Variants in CSNK1A1 observed in about 807,000 individuals in gnomAD.
The protein encoded by CSNK1A1 is casein kinase I isoform alpha.
Under a neutral mutation model 46.1 loss-of-function variants are expected in CSNK1A1, and 7 were observed. The ratio of observed to expected loss-of-function variants is 0.15; its 90% CI spans 0.09 to 0.29. CSNK1A1 has a LOEUF of 0.29. Among genes scored for constraint, CSNK1A1 ranks in the 10% least tolerant of loss-of-function variants. The pLI, the probability that CSNK1A1 is intolerant of heterozygous loss-of-function variation, is 1.00. For synonymous variants in CSNK1A1, 137 were observed against 141.5 expected (o/e 0.97, Z 0.23); for missense variants, 96 against 417.1 (o/e 0.23, Z 6.71).
chr5:149,528,227 C>G (rs1052408073), intron 2 of CSNK1A1, among the ~76,000 whole-genome samples: 3 of 152,098 alleles, frequency 2.0e-5, no homozygotes, highest in Non-Finnish European at 4.4e-5. Context: ...ATTCACTATT[C>G]TCAAAGTCAG....
At chr5:149,548,815 T>G (rs1052151900) in intron 2 of CSNK1A1, among the ~76,000 whole-genome samples, 18 of 152,200 alleles carry the variant, frequency 1.2e-4, no homozygotes, top group African/African-American at 4.1e-4. Context: ...TGCCATTCAT[T>G]GCACTCCAGC....
At position 149,551,102 on chromosome 5, in the gene CSNK1A1, C is replaced by T; in HGVS notation, c.-138G>A. ...GAACACGGAGGCCTTTACCGGGGTT[C>T]GGGGCCCAGAATCAGCAGAGGGGAA... On this transcript the variant is annotated 5_prime_UTR_variant, in exon 1 of 10. Coordinates refer to ENST00000377843, the MANE Select transcript of CSNK1A1 (RefSeq NM_001892.6). 1 of 898,066 alleles carries T rather than the reference C, an allele frequency of 1.1e-6. No individual in the cohort carries two copies. Among genetic ancestry groups the T allele is most frequent in the Middle Eastern group, 3.0e-4 (1 of 3,352 alleles). 55.6% of individuals were successfully genotyped at this position (898,066 alleles called of 1,614,324 possible).
chr5:149,502,715 CATT>C, intron 9 of CSNK1A1: 2 of 983,720 alleles, frequency 2.0e-6, no homozygotes, highest in Non-Finnish European at 2.4e-6. Context: ...ATGTTTTCAT[CATT>C]ATTAAAACGA....
chr5:149,511,975 A>T (rs1489418638), intron 5 of CSNK1A1, 103 bp from the exon 6 acceptor site: 4 of 861,898 alleles, frequency 4.6e-6, no homozygotes, highest in Non-Finnish European at 5.5e-6. Context: ...TGAGGAGGGA[A>T]CACTATTTGG....
intron 3 of CSNK1A1, among the ~76,000 whole-genome samples, 166 bp from the exon 4 acceptor site, chr5:149,520,554 A>C (rs1471109342): frequency 6.6e-6 from 1 of 152,172 alleles, no homozygotes; most frequent in African/African-American, 2.4e-5. Context: ...AGGTTAATGG[A>C]TATCTAAGCA....
Position 149,525,270 on chromosome 5 carries a change from T to A in CSNK1A1, c.231-99A>T. 8.3e-7 allele frequency: 1 copy of A among 1,202,224 alleles called. No homozygotes were observed. The highest frequency in any genetic ancestry group is 1.1e-6 in the Non-Finnish European group (1 of 894,704). The allele number at this position is 1,202,224 out of a possible 1,614,324, so 74.5% of individuals were successfully genotyped here. ...TAGTTTTCTTTCACTGACTAGGTAT[T>A]ATATAAGGCGAATGTTCCCCTACTC... On this transcript the variant is annotated intron_variant, in intron 2 of 9. Transcript: ENST00000377843. The surrounding 1 kb of genome is among the most constrained non-coding windows in gnomAD (Gnocchi z 4.2).
Position 149,520,373 on chromosome 5 carries a change from C to A in CSNK1A1, c.373G>T (p.Glu125Ter). 1 of 1,593,172 alleles carries A rather than the reference C, an allele frequency of 6.3e-7. No homozygotes were observed. Residue 125 changes from glutamate to a stop codon, truncating the protein, a stop_gained, in exon 4 of 10, where the codon GAA becomes TAA. Transcript: ENST00000377843. LOFTEE classifies it high-confidence loss of function. ...ATAAAATTCTTTGTATGCACATATT[C>A]AATTCTACTGATCATCTGGAAAAAA... ...MLADQMISRI[E>*]YVHTKNFIHR...
In CSNK1A1 at chr5:149,550,303, A is replaced by G. The variant is rs1762614441; in HGVS notation, c.124-122T>C. ...TACAAGAAGAAGTGAAAAGCTGGAA[A>G]GAGAAAGCTCTCGGTAATTATAAAA... is the stretch of plus-strand genomic sequence containing the variant. On this transcript the variant is annotated intron_variant, in intron 1 of 9. Coordinates refer to ENST00000377843, the MANE Select transcript of CSNK1A1 (RefSeq NM_001892.6). The surrounding 1 kb of genome is among the most constrained non-coding windows in gnomAD (Gnocchi z 4.3). 1 of 1,488,422 alleles carries G rather than the reference A, an allele frequency of 6.7e-7. No individual in the cohort carries two copies. The highest frequency in any genetic ancestry group is 2.4e-5 in the Admixed American group (1 of 40,896). The allele number at this position is 1,488,422 out of a possible 1,614,324, so 92.2% of individuals were successfully genotyped here.
chr5:149,549,364 G>T, intron 2 of CSNK1A1: 1 of 658,246 alleles, frequency 1.5e-6, no homozygotes. Context: ...AACTACGAAG[G>T]ATTTTACATA....
chr5:149,551,132 A>AATCAG lies in CSNK1A1; in HGVS notation c.-169_-168insCTGAT. On this transcript the variant is annotated 5_prime_UTR_variant, in exon 1 of 10. Transcript: ENST00000377843. The stretch of plus-strand genomic sequence containing the variant: ...CCCAGAATCAGCAGAGGGGAACCTG[A>AATCAG]TCACCGCCGCTCAGTCAGGTTTCTT... 1.6e-6 allele frequency: 1 copy of AATCAG among 613,830 alleles called. No homozygotes were observed. 38.0% of individuals were successfully genotyped at this position (613,830 alleles called of 1,614,324 possible).
chr5:149,520,320 G>A lies in CSNK1A1; in HGVS notation c.426C>T (p.Phe142=). ...TACAGTGACGCCCAATACCCATTAG[G>A]AAGTTATCTGGTTTAATGTCTCTGT... ...FIHRDIKPDN[F]LMGIGRHCNK... The change falls in exon 4 of 10, where the codon TTC becomes TTT. Residue 142 remains phenylalanine (F), a synonymous_variant. Coordinates refer to ENST00000377843, the MANE Select transcript of CSNK1A1 (RefSeq NM_001892.6). 6.2e-7 allele frequency: 1 copy of A among 1,609,318 alleles called. No individual in the cohort carries two copies. The highest frequency in any genetic ancestry group is 1.1e-5 in the South Asian group (1 of 90,820).
chr5:149,507,146 G>C lies in CSNK1A1; in HGVS notation c.751-13C>G. On this transcript the variant is annotated splice_polypyrimidine_tract_variant and intron_variant, in intron 7 of 9. Transcript: ENST00000377843. Reference sequence around the variant, plus strand: ...CTGCAGGAAACCCCTATAGGTTCAAGGGTTAAAACAAAGTTAAAAACAAAC... The same window carrying C: ...CTGCAGGAAACCCCTATAGGTTCAACGGTTAAAACAAAGTTAAAAACAAAC... 1 of 1,563,784 alleles carries C rather than the reference G, an allele frequency of 6.4e-7. No homozygotes were observed. The highest frequency in any genetic ancestry group is 1.2e-5 in the South Asian group (1 of 85,716).
At position 149,504,879 on chromosome 5, in the gene CSNK1A1, G is replaced by A. The variant is rs777627004; in HGVS notation, c.1006+568C>T. 7.0e-4 allele frequency: 694 copies of A among 985,442 alleles called. 1 individual carries two copies. The highest frequency in any genetic ancestry group is 7.9e-4 in the Non-Finnish European group (654 of 829,922). The allele number at this position is 985,442 out of a possible 1,614,324, so 61.0% of individuals were successfully genotyped here. On this transcript the variant is annotated intron_variant, in intron 9 of 9. Coordinates refer to ENST00000377843, the MANE Select transcript of CSNK1A1 (RefSeq NM_001892.6). ...GCTTTGCATTTATTTGAGCATTTAA[G>A]AGAGAAAATGAGATGCTCTGCAACT...
chr5:149,541,970 CA>C (rs1171466150), intron 2 of CSNK1A1, among the ~76,000 whole-genome samples: 517 of 40,038 alleles, frequency 0.013, 2 homozygotes, highest in African/African-American at 0.026. Flanking sequence ...GACTGCATCT[CA>C]AAAAAAAAAA....
intron 2 of CSNK1A1, among the ~76,000 whole-genome samples, chr5:149,534,730 G>A (rs531324305): frequency 5.3e-5 from 8 of 151,362 alleles, no homozygotes; most frequent in Middle Eastern, 6.8e-3. Context: ...CAGGTGGTTC[G>A]AGATTAGCCT....
In CSNK1A1 at chr5:149,526,130, T is replaced by C. The variant is rs2113129431; in HGVS notation, c.231-959A>G. Among the ~76,000 whole-genome samples, 3 of 152,234 alleles carry C rather than the reference T, an allele frequency of 2.0e-5. No individual in the cohort carries two copies. In the Middle Eastern group the frequency reaches 0.01, roughly 518 times the overall value. ...CTTTCCCTTCCTTCCTCCTTATTTA[T>C]CTATTTATTTATTTATTCATTTATT... On this transcript the variant is annotated intron_variant, in intron 2 of 9. Coordinates refer to ENST00000377843, the MANE Select transcript of CSNK1A1 (RefSeq NM_001892.6).
chr5:149,540,855 G>A (rs1000943269), intron 2 of CSNK1A1, among the ~76,000 whole-genome samples: 10 of 151,908 alleles, frequency 6.6e-5, no homozygotes, highest in African/African-American at 1.7e-4. Flanking sequence ...CGAGATGGGC[G>A]GATCACAAAG....
At position 149,550,691 on chromosome 5, in the gene CSNK1A1, C is replaced by G. The variant is rs1414589053; in HGVS notation, c.123+151G>C. ...TTGACCCTTTTAGGGAGACAGCGGA[C>G]GAGGTTCGTAAGCCAGGAAAACTAG... On this transcript the variant is annotated intron_variant, in intron 1 of 9. Coordinates refer to ENST00000377843, the MANE Select transcript of CSNK1A1 (RefSeq NM_001892.6). This position sits in a 1 kb window ranked among gnomAD's most constrained non-coding sequence, Gnocchi z 4.3. The G allele has an allele frequency of 9.0e-7, 1 of 1,108,232 alleles. No homozygotes were observed. The highest frequency in any genetic ancestry group is 1.6e-5 in the African/African-American group (1 of 63,032). The allele number at this position is 1,108,232 out of a possible 1,614,324, so 68.6% of individuals were successfully genotyped here.
At chr5:149,540,845 C>T (rs967737931) in intron 2 of CSNK1A1, among the ~76,000 whole-genome samples, 2 of 151,848 alleles carry the variant, frequency 1.3e-5, no homozygotes, top group Non-Finnish European at 2.9e-5. Context: ...TTTGGGAGGT[C>T]GAGATGGGCG....
Sources: allele counts gnomAD v4.1 joint callset (sites outside exome capture counted in the v4.1 genomes callset), GRCh38; gene constraint gnomAD v4.1.1; non-coding constraint Gnocchi (gnomAD v3.1); transcripts MANE v1.5; gene names NCBI Gene and HGNC (gene_info 2026-07-23, HGNC 2026-07-21).